The following ANKS1B variants were observed in gnomAD, a reference collection of about 807,000 sequenced individuals.
The protein encoded by ANKS1B is ankyrin repeat and sterile alpha motif domain-containing protein 1B.
ANKS1B carries 36 observed loss-of-function variants against 148.3 expected under a neutral mutation model. The ratio of observed to expected loss-of-function variants is 0.24; its 90% CI spans 0.19 to 0.32. ANKS1B has a LOEUF of 0.32. ANKS1B is among the 10% of genes least tolerant of loss of function. The pLI, the probability that ANKS1B is intolerant of heterozygous loss-of-function variation, is 1.00. For synonymous variants in ANKS1B, 542 were observed against 560.8 expected (o/e 0.97, Z 0.47); for missense variants, 1,157 against 1,542.6 (o/e 0.75, Z 4.19).
chr12:99,314,986 T>C (rs887898158), intron 12 of ANKS1B, among the ~76,000 whole-genome samples: 12 of 152,008 alleles, frequency 7.9e-5, no homozygotes, highest in African/African-American at 2.2e-4. Flanking sequence ...GGCTCACACC[T>C]GTAATCCCAG....
intron 15 of ANKS1B, among the ~76,000 whole-genome samples, chr12:99,105,709 C>T (rs1329626566): frequency 2.1e-5 from 3 of 139,674 alleles, no homozygotes; most frequent in East Asian, 4.3e-4. Flanking sequence ...GCAGGGCTTG[C>T]AGTGAGCCGA....
intron 8 of ANKS1B, among the ~76,000 whole-genome samples, chr12:99,709,633 G>A (rs2056346241): frequency 6.6e-6 from 1 of 152,032 alleles, no homozygotes; most frequent in Non-Finnish European, 1.5e-5. Context: ...TATCCATAAT[G>A]GGGTTTTAGC....
chr12:98,813,625 C>A (rs2099115956), intron 19 of ANKS1B, among the ~76,000 whole-genome samples: 2 of 151,806 alleles, frequency 1.3e-5, no homozygotes, highest in African/African-American at 4.8e-5. Context: ...TTACTGCAAC[C>A]ACTGCCTCCT....
intron 8 of ANKS1B, among the ~76,000 whole-genome samples, chr12:99,705,772 TAGA>T: frequency 6.6e-6 from 1 of 151,730 alleles, no homozygotes; most frequent in Admixed American, 6.6e-5. Flanking sequence ...TCAGAAGGAG[TAGA>T]AGGTGACCAG....
intron 9 of ANKS1B, among the ~76,000 whole-genome samples, chr12:99,580,223 T>C (rs956811039): frequency 3.3e-5 from 5 of 151,854 alleles, no homozygotes; most frequent in African/African-American, 1.2e-4. Flanking sequence ...ACTGTGAGGG[T>C]TGAAAAATTA....
chr12:99,522,051 C>T (rs1412801763), intron 9 of ANKS1B, among the ~76,000 whole-genome samples: 4 of 152,146 alleles, frequency 2.6e-5, no homozygotes, highest in African/African-American at 9.7e-5. Context: ...TTTAAGTTTA[C>T]CTGATGTTCT....
chr12:99,602,672 T>C (rs989480594), intron 9 of ANKS1B, among the ~76,000 whole-genome samples: 1 of 152,050 alleles, frequency 6.6e-6, no homozygotes, highest in African/African-American at 2.4e-5. Flanking sequence ...TTCCCTGAAG[T>C]CTACATCAAG....
In ANKS1B at chr12:99,731,413, CGTGTGTGTGTGTGT is replaced by C. The variant is rs71088145; in HGVS notation, c.1128+41495_1128+41508del. On this transcript the variant is annotated intron_variant, in intron 8 of 26. Coordinates refer to ENST00000683438, the MANE Select transcript of ANKS1B (RefSeq NM_001352186.2). Reference sequence around the variant, plus strand: ...GGATTATAGGCGTGAACCACCGTGCCGTGTGTGTGTGTGTGTGTGTGTGTGTGTGTGTGTGTGTG... The same window carrying C: ...GGATTATAGGCGTGAACCACCGTGCCGTGTGTGTGTGTGTGTGTGTGTGTG... 2.9e-4 allele frequency among the ~76,000 whole-genome samples: 41 copies of C among 143,834 alleles called. 1 individual carries two copies. The highest frequency in any genetic ancestry group is 5.2e-4 in the African/African-American group (20 of 38,400). 94.4% of individuals were successfully genotyped at this position (143,834 alleles called of 152,430 possible). A position where few individuals can be genotyped will look rare whatever the true frequency, so the allele number is the denominator to read the frequency against.
chr12:99,244,391 T>C lies in ANKS1B; in HGVS notation c.2370A>G (p.Ile790Met). ...WEEIDKIMSS[I>M]DVGINNELKE... is the part of the protein sequence containing the mutation. ...TAAGTTCGTTGTTGATTCCAACATC[T>C]ATGGAACTCATTATTTTGTCAATCT... Residue 790 changes from isoleucine (I) to methionine (M), a missense_variant, in exon 14 of 27, where the codon ATA becomes ATG. Coordinates refer to ENST00000683438, the MANE Select transcript of ANKS1B (RefSeq NM_001352186.2). 1 of 1,606,248 alleles carries C rather than the reference T, an allele frequency of 6.2e-7. No homozygotes were observed. Among genetic ancestry groups the C allele is most frequent in the South Asian group, 1.1e-5 (1 of 89,620 alleles).
Position 99,338,927 on chromosome 12 carries a change from C to T in ANKS1B, c.1756+60704G>A, listed in dbSNP as rs566188029. Among the ~76,000 whole-genome samples, 32 of 152,248 alleles carry T rather than the reference C, an allele frequency of 2.1e-4. No individual in the cohort carries two copies. In the South Asian group the frequency reaches 6.4e-3, roughly 31 times the overall value. ...GAGTTGAAAGATGAAGTCCCCTTTA[C>T]TCTCCCATCTCGTCTCCTAAAGTGA... On this transcript the variant is annotated intron_variant, in intron 12 of 26. Coordinates refer to ENST00000683438, the MANE Select transcript of ANKS1B (RefSeq NM_001352186.2).
intron 9 of ANKS1B, among the ~76,000 whole-genome samples, chr12:99,528,313 G>C (rs1326385048): frequency 6.6e-6 from 1 of 151,196 alleles, no homozygotes; most frequent in Non-Finnish European, 1.5e-5. Context: ...CATAGAACTA[G>C]ACAAAGATTT....
chr12:99,293,341 G>C (rs187910043), intron 12 of ANKS1B, among the ~76,000 whole-genome samples: 1 of 151,622 alleles, frequency 6.6e-6, no homozygotes, highest in Non-Finnish European at 1.5e-5. Flanking sequence ...TCACACACTG[G>C]GGCCTGTCGG....
intron 8 of ANKS1B, among the ~76,000 whole-genome samples, chr12:99,687,223 G>C (rs2098654642): frequency 1.3e-5 from 2 of 151,974 alleles, no homozygotes; most frequent in Non-Finnish European, 2.9e-5. Context: ...TAGTACTCTG[G>C]TAAGTAATAT....
chr12:99,423,433 T>C (rs376317447), intron 11 of ANKS1B, among the ~76,000 whole-genome samples: 38 of 152,220 alleles, frequency 2.5e-4, no homozygotes, highest in African/African-American at 8.4e-4. Context: ...TGGCAATTCC[T>C]CAAAGACCTA....
intron 1 of ANKS1B, among the ~76,000 whole-genome samples, chr12:99,864,858 A>G (rs2090523964): frequency 6.6e-6 from 1 of 152,236 alleles, no homozygotes; most frequent in Non-Finnish European, 1.5e-5. Context: ...GATGACAATA[A>G]TGAGTTAGCT....
At chr12:99,240,272 T>C (rs1413630975) in intron 14 of ANKS1B, among the ~76,000 whole-genome samples, 1 of 152,120 alleles carries the variant, frequency 6.6e-6, no homozygotes, top group African/African-American at 2.4e-5. Flanking sequence ...TCCTAGTCTC[T>C]GATAAAACAG....
At chr12:99,891,315 A>AGT (rs973740733) in intron 1 of ANKS1B, among the ~76,000 whole-genome samples, 1 of 151,910 alleles carries the variant, frequency 6.6e-6, no homozygotes. Flanking sequence ...AACAATTGAG[A>AGT]GTGTGTGTGT....
chr12:98,936,486 G>A (rs764589091), intron 17 of ANKS1B, among the ~76,000 whole-genome samples: 6 of 152,040 alleles, frequency 3.9e-5, no homozygotes, highest in Non-Finnish European at 5.9e-5. Flanking sequence ...AATTAGCCGG[G>A]CGTGGTGGCA....
At position 98,744,612 on chromosome 12, in the gene ANKS1B, A is replaced by AATC. The variant is rs1248983402; in HGVS notation, c.*1124_*1126dup. The AATC allele has an allele frequency of 1.7e-5, 13 of 765,288 alleles. No individual in the cohort carries two copies. The highest frequency in any genetic ancestry group is 2.1e-5 in the Non-Finnish European group (13 of 629,222). The allele number at this position is 765,288 out of a possible 1,614,324, so 47.4% of individuals were successfully genotyped here. A position where few individuals can be genotyped will look rare whatever the true frequency, so the allele number is the denominator to read the frequency against. On this transcript the variant is annotated 3_prime_UTR_variant, in exon 27 of 27. Transcript: ENST00000683438. ...AAAGAAATGTAAGTAAATTTTATTT[A>AATC]ATCAAATAGTAAGCAAACTTTTTTT...
Sources: allele counts gnomAD v4.1 joint callset (sites outside exome capture counted in the v4.1 genomes callset), GRCh38; gene constraint gnomAD v4.1.1; transcripts MANE v1.5; gene names NCBI Gene and HGNC (gene_info 2026-07-23, HGNC 2026-07-21).